The following METTL15 variants were observed in gnomAD, a reference collection of about 807,000 sequenced individuals.
METTL15 encodes methyltransferase 15, mitochondrial 12S rRNA N4-cytidine.
In METTL15, 34 loss-of-function variants were observed where a neutral mutation model predicts 38.3. That is an observed-to-expected ratio of 0.89 (90% CI 0.68 to 1.18). METTL15 has a LOEUF of 1.18. METTL15 is among the 50% of genes most tolerant of loss of function. The pLI is 0.00. For synonymous variants in METTL15, 162 were observed against 170.9 expected (o/e 0.95, Z 0.41); for missense variants, 438 against 498.4 (o/e 0.88, Z 1.15).
rs1232789745 is a variant in METTL15 at position 28,281,064 on chromosome 11, C to CA, written c.408-9141dup. Reference sequence around the variant, plus strand: ...CTAGTAATTTTTATTTTATTTCACACATTGTTTTTTAAAAAATTATTGTGA... The same window carrying CA: ...CTAGTAATTTTTATTTTATTTCACACAATTGTTTTTTAAAAAATTATTGTGA... On this transcript the variant is annotated intron_variant, in intron 4 of 6. Transcript: ENST00000407364. 4.6e-5 allele frequency among the ~76,000 whole-genome samples: 7 copies of CA among 152,160 alleles called. No homozygotes were observed. The East Asian group carries it at 1.4e-3, about 29-fold the overall frequency.
chr11:28,171,859 G>A (rs935346139), intron 3 of METTL15, among the ~76,000 whole-genome samples: 10 of 151,180 alleles, frequency 6.6e-5, no homozygotes, highest in African/African-American at 2.2e-4. Flanking sequence ...TGACAAAACT[G>A]TAGCTCACCA....
chr11:28,269,347 G>A (rs1855553964), intron 4 of METTL15, among the ~76,000 whole-genome samples: 1 of 151,878 alleles, frequency 6.6e-6, no homozygotes, highest in South Asian at 2.1e-4. Context: ...GCATGTGCAT[G>A]TATGTAACTT....
At chr11:28,204,185 CAAG>C (rs1852222194) in intron 3 of METTL15, among the ~76,000 whole-genome samples, 1 of 151,974 alleles carries the variant, frequency 6.6e-6, no homozygotes, top group Non-Finnish European at 1.5e-5. Context: ...TTGTAGAAAT[CAAG>C]AATCATTTTC....
chr11:28,418,588 T>C (rs1195675725), intron 5 of METTL15, among the ~76,000 whole-genome samples: 1 of 152,146 alleles, frequency 6.6e-6, no homozygotes, highest in Non-Finnish European at 1.5e-5. Context: ...CAACTGTCTA[T>C]ACAAAATAGC....
In METTL15 at chr11:28,329,626, C is replaced by A. The variant is rs190692382; in HGVS notation, c.779-770C>A. On this transcript the variant is annotated intron_variant, in intron 6 of 6. Transcript: ENST00000407364. Reference sequence around the variant, plus strand: ...TCAGTAATTTCCCATTTATATAGGTCTTTAATTTATTTCAAAAATGTTTTA... The same window carrying A: ...TCAGTAATTTCCCATTTATATAGGTATTTAATTTATTTCAAAAATGTTTTA... Among the ~76,000 whole-genome samples, 3 of 152,118 alleles carry A rather than the reference C, an allele frequency of 2.0e-5. No homozygotes were observed. In the East Asian group the frequency reaches 5.8e-4, roughly 29 times the overall value.
intron 5 of METTL15, among the ~76,000 whole-genome samples, chr11:28,401,476 C>A (rs996008337): frequency 5.3e-5 from 8 of 151,952 alleles, no homozygotes; most frequent in African/African-American, 1.7e-4. Context: ...ATTGACCATA[C>A]TCTTTTTATC....
chr11:28,279,564 T>C (rs1177975486), intron 4 of METTL15, among the ~76,000 whole-genome samples: 1 of 152,208 alleles, frequency 6.6e-6, no homozygotes, highest in African/African-American at 2.4e-5. Flanking sequence ...ATTATTCATT[T>C]TGAGGTTACT....
chr11:28,325,709 G>A (rs931754499), intron 6 of METTL15, among the ~76,000 whole-genome samples: 2 of 152,134 alleles, frequency 1.3e-5, no homozygotes, highest in African/African-American at 4.8e-5. Context: ...CAGTAGATCT[G>A]GAGTGGAGCC....
intron 3 of METTL15, among the ~76,000 whole-genome samples, chr11:28,136,141 C>G (rs1354483882): frequency 6.6e-6 from 1 of 152,162 alleles, no homozygotes. Context: ...GTAGTTACCT[C>G]AAAAACACTA....
At chr11:28,348,477 C>A (rs891416111) in intron 3 of METTL15, among the ~76,000 whole-genome samples, 1 of 152,128 alleles carries the variant, frequency 6.6e-6, no homozygotes, top group Non-Finnish European at 1.5e-5. Context: ...AAGCAATCTT[C>A]TCAACTCAGC....
intron 5 of METTL15, among the ~76,000 whole-genome samples, chr11:28,294,677 A>T (rs927825933): frequency 6.6e-6 from 1 of 152,228 alleles, no homozygotes; most frequent in South Asian, 2.1e-4. Context: ...GATCAAATCT[A>T]TTAGTTGGGG....
chr11:28,294,318 T>C (rs1243874527), intron 5 of METTL15, among the ~76,000 whole-genome samples: 1 of 152,176 alleles, frequency 6.6e-6, no homozygotes, highest in Non-Finnish European at 1.5e-5. Context: ...CTAATCCAAG[T>C]GGTATATGTT....
At chr11:28,429,502 C>G (rs1262897477) in intron 6 of METTL15, among the ~76,000 whole-genome samples, 1 of 132,268 alleles carries the variant, frequency 7.6e-6, no homozygotes, top group Non-Finnish European at 1.6e-5. Flanking sequence ...TGAGTGCCTG[C>G]GATTGCAGGC....
chr11:28,239,554 C>T (rs1442136023), intron 4 of METTL15, among the ~76,000 whole-genome samples: 1 of 152,170 alleles, frequency 6.6e-6, no homozygotes, highest in Non-Finnish European at 1.5e-5. Context: ...GTATTATCAG[C>T]CCCAGGACAA....
At chr11:28,336,428 A>G (rs564154327), downstream of METTL15, among the ~76,000 whole-genome samples, 2 of 152,306 alleles carry the variant, frequency 1.3e-5, no homozygotes, top group South Asian at 2.1e-4. Flanking sequence ...GAGATATTAG[A>G]TGGAAGATTG....
rs1857075185 is a variant in METTL15, at chr11:28,306,131, TCTTCC to T, written c.778+9201_778+9205del. Among the ~76,000 whole-genome samples the T allele has an allele frequency of 2.6e-5, 4 of 152,090 alleles. No homozygotes were observed. The South Asian group carries it at 8.3e-4, about 32-fold the overall frequency. On this transcript the variant is annotated intron_variant, in intron 6 of 6. Transcript: ENST00000407364. The stretch of plus-strand genomic sequence containing the variant: ...ATTTAGTGTAACCACGTACTCTAGA[TCTTCC>T]TGATTCTGGATGAATTTTAGACTGC...
intron 3 of METTL15, among the ~76,000 whole-genome samples, chr11:28,142,294 G>C (rs984318582): frequency 6.6e-6 from 1 of 151,986 alleles, no homozygotes; most frequent in Non-Finnish European, 1.5e-5. Context: ...GAAGTGGATT[G>C]GTCACTTCAA....
intron 5 of METTL15, among the ~76,000 whole-genome samples, chr11:28,419,401 A>G (rs1649574295): frequency 6.6e-6 from 1 of 152,202 alleles, no homozygotes; most frequent in Non-Finnish European, 1.5e-5. Flanking sequence ...ACCACCAAGG[A>G]GGTATCTCTA....
intron 1 of METTL15, among the ~76,000 whole-genome samples, chr11:28,109,444 T>C (rs201696593): frequency 2.0e-5 from 3 of 152,216 alleles, no homozygotes; most frequent in Non-Finnish European, 4.4e-5. Flanking sequence ...GGTCTCTCAG[T>C]TAATTCTCAA....
Sources: allele counts gnomAD v4.1 joint callset (sites outside exome capture counted in the v4.1 genomes callset), GRCh38; gene constraint gnomAD v4.1.1; transcripts MANE v1.5; gene names NCBI Gene and HGNC (gene_info 2026-07-23, HGNC 2026-07-21).